The following CCSER2 variants were observed in gnomAD, a reference collection of about 807,000 sequenced individuals.
CCSER2 encodes the protein serine-rich coiled-coil domain-containing protein 2.
CCSER2 carries 46 observed loss-of-function variants against 92.3 expected under a neutral mutation model. The observed-to-expected ratio is 0.50, with a 90% CI of 0.39 to 0.64. The LOEUF is 0.64. CCSER2 is among the 30% of genes least tolerant of loss of function. The pLI, the probability that CCSER2 is intolerant of heterozygous loss-of-function variation, is 0.00. For synonymous variants in CCSER2, 433 were observed against 431.4 expected (o/e 1.00, Z -0.04); for missense variants, 1,244 against 1,238.9 (o/e 1.00, Z -0.06).
intron 1 of CCSER2, among the ~76,000 whole-genome samples, chr10:84,346,509 C>T (rs907947551): frequency 8.6e-5 from 13 of 151,958 alleles, no homozygotes; most frequent in Non-Finnish European, 1.0e-4. Context: ...AATTGCTATA[C>T]CTAGGGATAC....
At chr10:84,503,726 G>C (rs1848893975) in intron 9 of CCSER2, among the ~76,000 whole-genome samples, 1 of 152,072 alleles carries the variant, frequency 6.6e-6, no homozygotes, top group Non-Finnish European at 1.5e-5. Context: ...GATAAATTTA[G>C]AAATCCTATT....
intron 6 of CCSER2, among the ~76,000 whole-genome samples, chr10:84,460,164 A>G (rs1183044972): frequency 7.4e-6 from 1 of 135,778 alleles, no homozygotes; most frequent in East Asian, 2.2e-4. Context: ...GTCTTGGTTC[A>G]CTGCAACCTC....
chr10:84,335,693 A>T (rs997730296), intron 1 of CCSER2, among the ~76,000 whole-genome samples: 3 of 152,234 alleles, frequency 2.0e-5, no homozygotes, highest in Non-Finnish European at 4.4e-5. Flanking sequence ...AGCAAGACAG[A>T]TACCAGAAGG....
intron 1 of CCSER2, among the ~76,000 whole-genome samples, chr10:84,329,579 G>A (rs752858493): frequency 1.3e-5 from 2 of 152,122 alleles, no homozygotes; most frequent in African/African-American, 2.4e-5. Context: ...TTTTAAAATA[G>A]CCATATGAAA....
intron 3 of CCSER2, among the ~76,000 whole-genome samples, chr10:84,414,821 T>G (rs11201029): frequency 0.12 from 17,578 of 152,138 alleles, 2,951 homozygotes; most frequent in African/African-American, 0.37. Context: ...TAATTGCATA[T>G]TTTTCAGAGG....
chr10:84,472,976 T>A (rs760517398), intron 8 of CCSER2: 16 of 152,228 alleles, frequency 1.1e-4, no homozygotes, highest in Non-Finnish European at 7.3e-5. Flanking sequence ...ATATCCCTTA[T>A]ATCTCTTTTA....
intron 9 of CCSER2, among the ~76,000 whole-genome samples, chr10:84,501,118 C>T (rs867239346): frequency 6.6e-6 from 1 of 152,040 alleles, no homozygotes; most frequent in Non-Finnish European, 1.5e-5. Flanking sequence ...CCTTTTCTAT[C>T]TCCCACCACC....
intron 1 of CCSER2, among the ~76,000 whole-genome samples, chr10:84,344,356 G>GTT (rs1054706460): frequency 1.4e-5 from 2 of 146,104 alleles, no homozygotes; most frequent in African/African-American, 2.5e-5. Flanking sequence ...AGTATTAAAG[G>GTT]TTTTTTTTTT....
At chr10:84,351,864 A>G (rs564251466) in intron 1 of CCSER2, among the ~76,000 whole-genome samples, 24 of 152,316 alleles carry the variant, frequency 1.6e-4, no homozygotes, top group African/African-American at 5.1e-4. Context: ...ACATTTGGCT[A>G]GTGGCTGCTG....
At position 84,457,336 on chromosome 10, in the gene CCSER2, TATATA is replaced by T. The variant is rs1845767299; in HGVS notation, c.2065-6596_2065-6592del. On this transcript the variant is annotated intron_variant, in intron 6 of 9. Coordinates refer to ENST00000372088, the MANE Select transcript of CCSER2 (RefSeq NM_001284240.2). ...ATATAATATATTATATATAATATAT[TATATA>T]TTATATATAATATATATATTTATTT... Among the ~76,000 whole-genome samples the T allele has an allele frequency of 5.5e-5, 3 of 54,504 alleles. No individual in the cohort carries two copies. The South Asian group carries it at 1.6e-3, about 29-fold the overall frequency. 35.8% of individuals were successfully genotyped at this position (54,504 alleles called of 152,430 possible).
At chr10:84,468,682 G>A (rs1242697640) in intron 7 of CCSER2, among the ~76,000 whole-genome samples, 1 of 152,188 alleles carries the variant, frequency 6.6e-6, no homozygotes, top group African/African-American at 2.4e-5. Context: ...CCATGAAGTT[G>A]CTACATTTTA....
chr10:84,506,155 C>A (rs543322455), intron 9 of CCSER2, among the ~76,000 whole-genome samples: 16 of 132,554 alleles, frequency 1.2e-4, no homozygotes, highest in Admixed American at 7.5e-5. Context: ...AAAAAAAAAA[C>A]CAAACCCGTT....
At chr10:84,354,230 GTCTATGTTGTC>G (rs1845030375) in intron 1 of CCSER2, among the ~76,000 whole-genome samples, 1 of 147,932 alleles carries the variant, frequency 6.8e-6, no homozygotes, top group Non-Finnish European at 1.5e-5. Context: ...ACAAGATTAC[GTCTATGTTGTC>G]TCAAGTTACT....
chr10:84,402,155 G>T lies in CCSER2; in HGVS notation c.1615-15616G>T, dbSNP rs918380973. On this transcript the variant is annotated intron_variant, in intron 3 of 9. Coordinates refer to ENST00000372088, the MANE Select transcript of CCSER2 (RefSeq NM_001284240.2). ...AGTACTTAAAAACTCTTAAATTTTC[G>T]CATTGTGTGTGTTTCATTGAAGCCA... Among the ~76,000 whole-genome samples the T allele has an allele frequency of 4.6e-5, 7 of 152,116 alleles. No homozygotes were observed. In the East Asian group the frequency reaches 9.6e-4, roughly 21 times the overall value.
chr10:84,403,268 A>T (rs1463023931), intron 3 of CCSER2, among the ~76,000 whole-genome samples: 34 of 152,204 alleles, frequency 2.2e-4, no homozygotes, highest in Admixed American at 2.2e-3. Flanking sequence ...TCTCAACCTA[A>T]ACCTCTCACC....
chr10:84,416,948 A>G (rs942103821), intron 3 of CCSER2, among the ~76,000 whole-genome samples: 4 of 152,168 alleles, frequency 2.6e-5, no homozygotes, highest in Admixed American at 2.6e-4. Flanking sequence ...AGAGTTTTTT[A>G]TGACCATGAT....
At chr10:84,408,472 C>T (rs1223238482) in intron 3 of CCSER2, among the ~76,000 whole-genome samples, 1 of 151,726 alleles carries the variant, frequency 6.6e-6, no homozygotes, top group African/African-American at 2.4e-5. Context: ...TTCCGTGTTC[C>T]TCTTCCCCTT....
At chr10:84,391,973 TAAAA>T in intron 3 of CCSER2, 1 of 1,341,110 alleles carries the variant, frequency 7.5e-7, no homozygotes, top group Non-Finnish European at 1.1e-6. Context: ...AAGTAGGCGA[TAAAA>T]ATTGGAGGCA....
intron 1 of CCSER2, among the ~76,000 whole-genome samples, chr10:84,334,363 A>G (rs1239129745): frequency 1.3e-5 from 2 of 152,140 alleles, no homozygotes; most frequent in Admixed American, 1.3e-4. Flanking sequence ...AGATCAACCA[A>G]TGAGAACAGT....
Sources: gnomAD v4.1 joint callset for allele counts (sites outside exome capture counted in the v4.1 genomes callset) on GRCh38, gnomAD v4.1.1 for gene constraint, MANE v1.5 for transcripts, NCBI Gene and HGNC (gene_info 2026-07-23, HGNC 2026-07-21) for gene names.